Variants in SLC45A2 observed in about 807,000 individuals in gnomAD.
The protein encoded by SLC45A2 is membrane-associated transporter protein.
A neutral mutation model predicts 45.5 loss-of-function variants in SLC45A2; 36 were observed. That is an observed-to-expected ratio of 0.79 (90% CI 0.61 to 1.04). The LOEUF is 1.04. SLC45A2 is among the 50% of genes least tolerant of loss of function. SLC45A2 has a pLI of 0.00. For synonymous variants in SLC45A2, 306 were observed against 269.3 expected (o/e 1.14, Z -1.33); for missense variants, 719 against 671.0 (o/e 1.07, Z -0.79).
chr5:33,976,328 A>T (rs1190191708), intron 2 of SLC45A2, among the ~76,000 whole-genome samples: 2 of 152,196 alleles, frequency 1.3e-5, no homozygotes, highest in Non-Finnish European at 2.9e-5. Context: ...CCTCTCACTC[A>T]TTCACACGTA....
chr5:33,951,203 A>G (rs988772172), intron 5 of SLC45A2, among the ~76,000 whole-genome samples: 4 of 152,198 alleles, frequency 2.6e-5, no homozygotes, highest in African/African-American at 2.4e-5. Context: ...TGATAAGCCT[A>G]TCTATGAAAT....
intron 6 of SLC45A2, among the ~76,000 whole-genome samples, chr5:33,945,612 C>A (rs1751897418): frequency 6.6e-6 from 1 of 151,978 alleles, no homozygotes. Flanking sequence ...TATCATTACC[C>A]CCATGGTAAC....
chr5:33,968,228 G>A (rs1033378262), intron 2 of SLC45A2, among the ~76,000 whole-genome samples: 1 of 151,900 alleles, frequency 6.6e-6, no homozygotes, highest in East Asian at 1.9e-4. Flanking sequence ...CTTAAGCCAA[G>A]GGTTTTATCT....
At position 33,945,810 on chromosome 5, in the gene SLC45A2, T is replaced by A. The variant is rs143719822; in HGVS notation, c.1369-938A>T. On this transcript the variant is annotated intron_variant, in intron 6 of 6. Transcript: ENST00000296589. ...TACACTATTAGGCAAAAAAAAAGCA[T>A]TATGCTGAAAAACGCATATTATCCT... The A allele has an allele frequency of 3.9e-3, 1,516 of 393,594 alleles. 23 individuals carry two copies. Among genetic ancestry groups the A allele is most frequent in the African/African-American group, 0.031 (1,409 of 45,868 alleles). The allele number at this position is 393,594 out of a possible 1,614,324, so 24.4% of individuals were successfully genotyped here. A position where few individuals can be genotyped will look rare whatever the true frequency, so the allele number is the denominator to read the frequency against.
chr5:33,959,445 G>T (rs556335735), intron 3 of SLC45A2, among the ~76,000 whole-genome samples: 1 of 152,084 alleles, frequency 6.6e-6, no homozygotes, highest in Non-Finnish European at 1.5e-5. Flanking sequence ...TCTCCTCCAG[G>T]CAGCCTGGTG....
intron 2 of SLC45A2, among the ~76,000 whole-genome samples, chr5:33,978,509 C>T (rs1280094022): frequency 2.0e-5 from 3 of 152,028 alleles, no homozygotes; most frequent in Non-Finnish European, 4.4e-5. Flanking sequence ...TATCTGGAGG[C>T]CTCATCTACA....
intron 1 of SLC45A2, 34 bp downstream of exon 1, chr5:33,984,164 TA>T: frequency 6.2e-7 from 1 of 1,612,778 alleles, no homozygotes; most frequent in Non-Finnish European, 8.5e-7. Flanking sequence ...CTAAGACACA[TA>T]TCCCTGTCTG....
At position 33,984,455 on chromosome 5, in the gene SLC45A2, G is replaced by C. The variant is rs1049619183; in HGVS notation, c.129C>G (p.Phe43Leu). 6.2e-7 allele frequency: 1 copy of C among 1,613,738 alleles called. No individual in the cohort carries two copies. Residue 43 changes from phenylalanine (F) to leucine (L), a missense_variant, in exon 1 of 7, where the codon TTC (phenylalanine) becomes TTG (leucine). By Grantham distance (22) the Phe-to-Leu change is conservative. Coordinates refer to ENST00000296589, the MANE Select transcript of SLC45A2 (RefSeq NM_016180.5). ...SRLIMHSMAM[F>L]GREFCYAVEA... ...CCACCGCGTAGCAGAACTCTCTTCC[G>C]AACATGGCCATGCTGTGCATGATGA...
In SLC45A2 at chr5:33,984,623, C is replaced by A. The variant is rs770463852; in HGVS notation, c.-40G>T. ...GAACCTTCCTGCGAGCCCACCACCT[C>A]CTGCGTGGTCCTAGGGTCTGTGTTT... On this transcript the variant is annotated 5_prime_UTR_variant, in exon 1 of 7. Transcript: ENST00000296589. The A allele has an allele frequency of 6.2e-7, 1 of 1,602,444 alleles. No individual in the cohort carries two copies.
chr5:33,958,016 C>G (rs1752329251), intron 3 of SLC45A2, among the ~76,000 whole-genome samples: 1 of 152,128 alleles, frequency 6.6e-6, no homozygotes, highest in African/African-American at 2.4e-5. Context: ...TTGGTAAAAA[C>G]CTTTCAATGA....
intron 1 of SLC45A2, among the ~76,000 whole-genome samples, chr5:33,983,853 A>G (rs1439383328): frequency 1.3e-5 from 2 of 152,254 alleles, no homozygotes; most frequent in African/African-American, 4.8e-5. Flanking sequence ...ATTTGATAAG[A>G]GTATTAAATA....
chr5:33,961,206 T>C (rs985648437), intron 3 of SLC45A2, among the ~76,000 whole-genome samples: 1 of 152,162 alleles, frequency 6.6e-6, no homozygotes, highest in African/African-American at 2.4e-5. Flanking sequence ...TGGGTACCTC[T>C]TTATTCCCTG....
rs749950257 is a variant in SLC45A2 at position 33,944,854 on chromosome 5, C to T, written c.1387G>A (p.Gly463Arg). ...EEKERQQAPG[G>R]DPDNSVRGKG... ...CCTCTCACGCTGTTGTCTGGGTCCCCTCCTGGGGCCTGCTGCCTCTGCAAA... is the reference window on the plus strand; with the variant it reads ...CCTCTCACGCTGTTGTCTGGGTCCCTTCCTGGGGCCTGCTGCCTCTGCAAA... The change falls in exon 7 of 7, where the codon GGG (glycine) becomes AGG (arginine). Residue 463 changes from glycine to arginine, a missense_variant. Coordinates refer to ENST00000296589, the MANE Select transcript of SLC45A2 (RefSeq NM_016180.5). 1 of 1,612,838 alleles carries T rather than the reference C, an allele frequency of 6.2e-7. No individual in the cohort carries two copies. The highest frequency in any genetic ancestry group is 1.7e-5 in the Admixed American group (1 of 59,890).
At chr5:33,968,317 C>T (rs1752666337) in intron 2 of SLC45A2, among the ~76,000 whole-genome samples, 1 of 152,176 alleles carries the variant, frequency 6.6e-6, no homozygotes, top group Admixed American at 6.5e-5. Flanking sequence ...ACCTCCCACA[C>T]CTACATCCAG....
In SLC45A2 at chr5:33,951,538, A is replaced by G. The variant is rs1399125449; in HGVS notation, c.1156+16T>C. Reference sequence around the variant, plus strand: ...GAAACTTTTAGAAGACATCCTTAGGAGAGAGAAAGACTTACAAGAATAAAG... The same window carrying G: ...GAAACTTTTAGAAGACATCCTTAGGGGAGAGAAAGACTTACAAGAATAAAG... On this transcript the variant is annotated intron_variant, in intron 5 of 6. Coordinates refer to ENST00000296589, the MANE Select transcript of SLC45A2 (RefSeq NM_016180.5). 7 of 1,613,946 alleles carry G rather than the reference A, an allele frequency of 4.3e-6. No homozygotes were observed. The Middle Eastern group carries it at 8.2e-4, about 190-fold the overall frequency.
intron 2 of SLC45A2, among the ~76,000 whole-genome samples, chr5:33,973,812 G>C (rs1014191219): frequency 6.6e-6 from 1 of 152,150 alleles, no homozygotes; most frequent in Non-Finnish European, 1.5e-5. Context: ...TCATCTCTTT[G>C]GGTTAGATGA....
chr5:33,975,013 C>T (rs190027064), intron 2 of SLC45A2, among the ~76,000 whole-genome samples: 2 of 152,274 alleles, frequency 1.3e-5, no homozygotes, highest in East Asian at 1.9e-4. Context: ...ACTTTAGAAT[C>T]TAAGCCTTAA....
chr5:33,953,504 T>C (rs1211825160), intron 4 of SLC45A2, among the ~76,000 whole-genome samples: 1 of 151,940 alleles, frequency 6.6e-6, no homozygotes, highest in Non-Finnish European at 1.5e-5. Flanking sequence ...TTTTGAGAAG[T>C]GTCTGTTCAG....
chr5:33,965,716 G>A (rs1401341594), intron 2 of SLC45A2, among the ~76,000 whole-genome samples: 1 of 152,200 alleles, frequency 6.6e-6, no homozygotes, highest in Non-Finnish European at 1.5e-5. Flanking sequence ...AGTGCCTCTG[G>A]TTATTATTAG....
Sources: gnomAD v4.1 joint callset for allele counts (sites outside exome capture counted in the v4.1 genomes callset) on GRCh38, gnomAD v4.1.1 for gene constraint, MANE v1.5 for transcripts, NCBI Gene and HGNC (gene_info 2026-07-23, HGNC 2026-07-21) for gene names.